Variants in VPS35L observed in about 807,000 individuals in gnomAD.
The protein encoded by VPS35L is VPS35 endosomal protein sorting factor like.
A neutral mutation model predicts 133.0 loss-of-function variants in VPS35L; 83 were observed. The ratio of observed to expected loss-of-function variants is 0.62; its 90% confidence interval spans 0.52 to 0.75. VPS35L has a LOEUF of 0.75. Among genes scored for constraint, VPS35L ranks in the 30% least tolerant of loss-of-function variants. The pLI is 0.00. For missense variants in VPS35L, 1,083 were observed against 1,206.8 expected (o/e 0.90, Z 1.52); for synonymous variants, 423 against 449.9 (o/e 0.94, Z 0.76).
At chr16:19,601,494 C>T (rs1024040754) in intron 8 of VPS35L, 170 bp from the exon 9 acceptor site, 1 of 619,404 alleles carries the variant, frequency 1.6e-6, no homozygotes. Flanking sequence ...AAACTAAAAA[C>T]AAAACAAAAA....
At chr16:19,575,990 T>C (rs1194934393) in intron 5 of VPS35L, among the ~76,000 whole-genome samples, 4 of 128,544 alleles carry the variant, frequency 3.1e-5, no homozygotes, top group African/African-American at 1.2e-4. Flanking sequence ...ACTCCATCTC[T>C]ACTAAAAAAA....
chr16:19,682,216 C>A lies in VPS35L; in HGVS notation c.2362-9C>A. On this transcript the variant is annotated splice_polypyrimidine_tract_variant and intron_variant, in intron 27 of 30. Transcript: ENST00000417362. ...GGGATTATTTATCCTTTTTTCGGTT[C>A]TCTGCTAGGATCATCCTGAACATGG... The A allele has an allele frequency of 6.2e-7, 1 of 1,600,798 alleles. No homozygotes were observed. Among genetic ancestry groups the A allele is most frequent in the Non-Finnish European group, 8.5e-7 (1 of 1,174,028 alleles).
At chr16:19,630,885 T>A (rs1454325287) in intron 18 of VPS35L, among the ~76,000 whole-genome samples, 1 of 152,108 alleles carries the variant, frequency 6.6e-6, no homozygotes, top group African/African-American at 2.4e-5. Flanking sequence ...GACACCTGCC[T>A]GTAGTCCTAG....
intron 23 of VPS35L, among the ~76,000 whole-genome samples, chr16:19,647,478 GGTGTGACT>G (rs1487291225): frequency 1.3e-5 from 2 of 152,168 alleles, no homozygotes; most frequent in Non-Finnish European, 2.9e-5. Flanking sequence ...GAAGCAGAAA[GGTGTGACT>G]GTTACGATGG....
intron 10 of VPS35L, 110 bp downstream of exon 10, chr16:19,608,384 G>A: frequency 1.2e-6 from 1 of 865,590 alleles, no homozygotes. Context: ...TTGAAAGTTT[G>A]GTCCCGTTAC....
chr16:19,690,946 A>G (rs1597441725), intron 28 of VPS35L, among the ~76,000 whole-genome samples: 2 of 151,000 alleles, frequency 1.3e-5, no homozygotes, highest in East Asian at 3.9e-4. Flanking sequence ...TGGGTGACAG[A>G]GAGAGACTCC....
In VPS35L at chr16:19,562,487, A is replaced by G. The variant is rs188291861; in HGVS notation, c.18-2364A>G. Among the ~76,000 whole-genome samples, 361 of 152,198 alleles carry G rather than the reference A, an allele frequency of 2.4e-3. 1 individual carries two copies. The highest frequency in any genetic ancestry group is 7.2e-3 in the African/African-American group (298 of 41,542). On this transcript the variant is annotated intron_variant, in intron 1 of 30. Transcript: ENST00000417362. ...CTGAGATGTTCTGCTTGGAGAGTCA[A>G]TGGAGGAGATGAGAAAGGGGTCAAA...
At chr16:19,655,970 C>T (rs779178206) in intron 26 of VPS35L, among the ~76,000 whole-genome samples, 2 of 151,962 alleles carry the variant, frequency 1.3e-5, no homozygotes, top group South Asian at 2.1e-4. Flanking sequence ...AGAAAAGGTA[C>T]GTGTTTTACG....
At chr16:19,566,267 G>A (rs1212984688) in intron 2 of VPS35L, among the ~76,000 whole-genome samples, 1 of 152,134 alleles carries the variant, frequency 6.6e-6, no homozygotes, top group Non-Finnish European at 1.5e-5. Context: ...AGGCTGAAGT[G>A]GGTGGATCAC....
intron 14 of VPS35L, chr16:19,617,655 C>T (rs1402830490): frequency 6.6e-6 from 1 of 151,748 alleles, no homozygotes; most frequent in Non-Finnish European, 1.5e-5. Flanking sequence ...TCTTTCTTTT[C>T]CAAGACTGAG....
chr16:19,579,271 A>G, intron 6 of VPS35L, 143 bp downstream of exon 6: 2 of 724,532 alleles, frequency 2.8e-6, no homozygotes, highest in South Asian at 3.9e-5. Flanking sequence ...GACTCCATCC[A>G]GGGAAGGGTG....
intron 27 of VPS35L, 111 bp downstream of exon 27, chr16:19,669,410 G>T (rs1021668221): frequency 2.3e-6 from 3 of 1,318,188 alleles, no homozygotes; most frequent in East Asian, 2.4e-5. Flanking sequence ...GTATCTTTGT[G>T]TTGGTTTTCC....
chr16:19,645,440 G>C (rs960519084), intron 23 of VPS35L, among the ~76,000 whole-genome samples: 45 of 151,828 alleles, frequency 3.0e-4, no homozygotes, highest in African/African-American at 1.1e-3. Context: ...CAGGCGCCCG[G>C]CACCACGCCC....
intron 27 of VPS35L, among the ~76,000 whole-genome samples, chr16:19,681,725 C>T (rs903509214): frequency 1.3e-5 from 2 of 152,118 alleles, no homozygotes; most frequent in African/African-American, 2.4e-5. Flanking sequence ...TGGCTGTTAC[C>T]GTTGTTGAGC....
chr16:19,657,493 T>A (rs1974345306), intron 26 of VPS35L, among the ~76,000 whole-genome samples: 1 of 152,222 alleles, frequency 6.6e-6, no homozygotes, highest in Non-Finnish European at 1.5e-5. Flanking sequence ...TCACCTGTGC[T>A]TTTTCTCCAT....
At chr16:19,662,661 A>AAC (rs1555505734) in intron 26 of VPS35L, among the ~76,000 whole-genome samples, 2,972 of 151,904 alleles carry the variant, frequency 0.02, 88 homozygotes, top group African/African-American at 0.067. Context: ...TTTAGATAAA[A>AAC]CCCCCCACAT....
chr16:19,567,639 G>A (rs1971228703), intron 2 of VPS35L, among the ~76,000 whole-genome samples: 1 of 152,008 alleles, frequency 6.6e-6, no homozygotes, highest in African/African-American at 2.4e-5. Flanking sequence ...CCGGCAGTTG[G>A]CATCTGACTC....
chr16:19,655,562 T>A (rs1445044521), intron 26 of VPS35L, among the ~76,000 whole-genome samples: 1 of 152,142 alleles, frequency 6.6e-6, no homozygotes, highest in Non-Finnish European at 1.5e-5. Flanking sequence ...GCTGGGTCCA[T>A]CCCGACAAGT....
At chr16:19,594,670 A>G (rs1972150712) in intron 8 of VPS35L, among the ~76,000 whole-genome samples, 1 of 107,568 alleles carries the variant, frequency 9.3e-6, no homozygotes, top group East Asian at 2.7e-4. Flanking sequence ...AAAAAAAAAA[A>G]AGAAGAGAAA....
Sources: allele counts gnomAD v4.1 joint callset (sites outside exome capture counted in the v4.1 genomes callset), GRCh38; gene constraint gnomAD v4.1.1; transcripts MANE v1.5; gene names NCBI Gene and HGNC (gene_info 2026-07-23, HGNC 2026-07-21).